Variants in OR1B1 observed in about 807,000 individuals in gnomAD.
The protein encoded by OR1B1 is olfactory receptor 1B1.
For synonymous variants in OR1B1, 168 were observed against 156.2 expected, an observed-to-expected ratio of 1.08 and a Z score of -0.57; for missense variants, 414 against 402.1, an observed-to-expected ratio of 1.03 and a Z score of -0.25.
upstream of OR1B1, among the ~76,000 whole-genome samples, chr9:122,631,198 A>G (rs570491807): frequency 6.6e-6 from 1 of 150,384 alleles, no homozygotes; most frequent in Admixed American, 6.6e-5. Context: ...TTTTTTTGAG[A>G]CGGAATCTCG....
the OR1B1 span, among the ~76,000 whole-genome samples, chr9:122,642,789 A>C: frequency 1.3e-5 from 2 of 152,136 alleles, no homozygotes; most frequent in East Asian, 1.9e-4. Context: ...TAATCACCTA[A>C]AGCAGGGCTT....
chr9:122,629,005 G>A (rs764603908), exon 1 of OR1B1: 8 of 1,613,840 alleles, frequency 5.0e-6, no homozygotes, highest in Admixed American at 3.3e-5. Context: ...GAAGGTTAAC[G>A]TTGCCCCCAG....
chr9:122,645,883 A>G, the OR1B1 span, among the ~76,000 whole-genome samples: 1 of 152,188 alleles, frequency 6.6e-6, no homozygotes, highest in Admixed American at 6.6e-5. Flanking sequence ...GTAAGCACCT[A>G]GGAAAAAACA....
At chr9:122,630,494 A>C (rs1229435793), upstream of OR1B1, among the ~76,000 whole-genome samples, 1 of 152,144 alleles carries the variant, frequency 6.6e-6, no homozygotes, top group Non-Finnish European at 1.5e-5. Flanking sequence ...TAATTTCTAC[A>C]ACCTCATTAC....
At chr9:122,632,331 A>G (rs1830210921), upstream of OR1B1, among the ~76,000 whole-genome samples, 1 of 152,266 alleles carries the variant, frequency 6.6e-6, no homozygotes, top group Admixed American at 6.5e-5. Context: ...CCCAAAAAGA[A>G]TTACTAGAAA....
At chr9:122,649,782 C>A in the OR1B1 span, among the ~76,000 whole-genome samples, 1 of 152,302 alleles carries the variant, frequency 6.6e-6, no homozygotes, top group East Asian at 1.9e-4. Context: ...GAAACAGGAA[C>A]TCTTTTACAC....
At chr9:122,628,483 T>C (rs903214507), downstream of OR1B1, 2 of 761,550 alleles carry the variant, frequency 2.6e-6, no homozygotes, top group Non-Finnish European at 4.5e-6. Flanking sequence ...TTAAGTTATC[T>C]AGGCCCTCCA....
At chr9:122,645,708 C>T in the OR1B1 span, among the ~76,000 whole-genome samples, 1 of 152,010 alleles carries the variant, frequency 6.6e-6, no homozygotes, top group Admixed American at 6.6e-5. Context: ...ATCCATTAAG[C>T]ATGAAGGAGA....
the OR1B1 span, among the ~76,000 whole-genome samples, chr9:122,640,803 C>T: frequency 6.6e-6 from 1 of 152,132 alleles, no homozygotes; most frequent in Non-Finnish European, 1.5e-5. Flanking sequence ...AGATTAAGTA[C>T]ATCAGGTAGT....
chr9:122,656,526 A>G, the OR1B1 span, among the ~76,000 whole-genome samples: 3 of 152,040 alleles, frequency 2.0e-5, no homozygotes, highest in African/African-American at 7.2e-5. Context: ...TCCTCTCTGT[A>G]TCTCACATAT....
the OR1B1 span, among the ~76,000 whole-genome samples, chr9:122,638,080 A>G: frequency 6.6e-6 from 1 of 152,240 alleles, no homozygotes; most frequent in East Asian, 1.9e-4. Context: ...AAATGATAGA[A>G]AAGTATAACA....
the OR1B1 span, among the ~76,000 whole-genome samples, chr9:122,635,390 GA>G: frequency 6.6e-6 from 1 of 152,148 alleles, no homozygotes; most frequent in Admixed American, 6.6e-5. Context: ...TGAGTAGTTA[GA>G]GCTCAAAAGA....
At chr9:122,638,264 AAT>A in the OR1B1 span, among the ~76,000 whole-genome samples, 7 of 152,198 alleles carry the variant, frequency 4.6e-5, no homozygotes, top group Admixed American at 3.3e-4. Flanking sequence ...TATAGCAGTC[AAT>A]TTTTTCAAGG....
chr9:122,628,581 AG>A lies in OR1B1; in HGVS notation c.954del (p.Pro319ProfsTer?). On this transcript the variant is annotated frameshift_variant, in exon 1 of 1. Transcript: ENST00000623530. LOFTEE classifies it high-confidence loss of function. ...CAATATGGCCCACAGCAGGCTAATC[AG>A]GGGTCTACCTTCACCCATTCAAGCA... 1 of 1,583,376 alleles carries A rather than the reference AG, an allele frequency of 6.3e-7. No individual in the cohort carries two copies. The highest frequency in any genetic ancestry group is 8.7e-7 in the Non-Finnish European group (1 of 1,154,136).
chr9:122,655,867 T>G, the OR1B1 span, among the ~76,000 whole-genome samples: 1 of 151,988 alleles, frequency 6.6e-6, no homozygotes, highest in Non-Finnish European at 1.5e-5. Context: ...TCCTATTTTG[T>G]GAAATTTCTT....
chr9:122,630,070 A>C (rs1397813974), upstream of OR1B1, among the ~76,000 whole-genome samples: 1 of 152,236 alleles, frequency 6.6e-6, no homozygotes, highest in Non-Finnish European at 1.5e-5. Flanking sequence ...GTCTGGAACA[A>C]GACAAGGATG....
chr9:122,655,624 G>C, the OR1B1 span, among the ~76,000 whole-genome samples: 1 of 150,418 alleles, frequency 6.6e-6, no homozygotes, highest in East Asian at 2.0e-4. Context: ...TCACTTATAA[G>C]TGGGAGCTGG....
At chr9:122,629,482 C>A (rs1476055226) in exon 1 of OR1B1, 6 of 1,580,384 alleles carry the variant, frequency 3.8e-6, no homozygotes, top group Non-Finnish European at 5.2e-6. Flanking sequence ...CTCTCGAGAA[C>A]CCAAGGAGCA....
At chr9:122,644,119 G>C in the OR1B1 span, among the ~76,000 whole-genome samples, 2 of 152,200 alleles carry the variant, frequency 1.3e-5, no homozygotes, top group Non-Finnish European at 2.9e-5. Context: ...CTAGGTACCA[G>C]TTCGGCCACA....
Sources: gnomAD v4.1 joint callset for allele counts (sites outside exome capture counted in the v4.1 genomes callset) on GRCh38, gnomAD v4.1.1 for gene constraint, MANE v1.5 for transcripts, NCBI Gene and HGNC (gene_info 2026-07-23, HGNC 2026-07-21) for gene names.